KDM5A: variants seen among roughly 807,000 people sequenced by gnomAD.
KDM5A encodes lysine-specific demethylase 5A.
KDM5A carries 42 observed loss-of-function variants against 193.5 expected under a neutral mutation model. The observed-to-expected ratio is 0.22, with a 90% CI of 0.17 to 0.28. KDM5A has a LOEUF of 0.28. Ranked by LOEUF, KDM5A falls within the 10% of genes least tolerant of loss-of-function variation. KDM5A has a pLI of 1.00. For synonymous variants in KDM5A, 796 were observed against 718.1 expected (o/e 1.11, Z -1.73); for missense variants, 1,692 against 2,055.1 (o/e 0.82, Z 3.42).
At chr12:316,436 T>C (rs544537744) in intron 19 of KDM5A, among the ~76,000 whole-genome samples, 1 of 152,104 alleles carries the variant, frequency 6.6e-6, no homozygotes, top group Non-Finnish European at 1.5e-5. Flanking sequence ...CAAGGTAAAA[T>C]ATAAGAGGAC....
intron 10 of KDM5A, among the ~76,000 whole-genome samples, chr12:344,241 A>C (rs1198336579): frequency 1.3e-5 from 2 of 152,222 alleles, no homozygotes; most frequent in East Asian, 3.8e-4. Context: ...AAACAAACAA[A>C]GCCTCCAATA....
chr12:346,980 C>A (rs554791392), intron 10 of KDM5A, among the ~76,000 whole-genome samples: 30 of 152,278 alleles, frequency 2.0e-4, no homozygotes, highest in African/African-American at 6.0e-4. Flanking sequence ...CAAATTGTCC[C>A]TGTTTGCAGA....
chr12:374,467 C>G (rs1260618877), intron 3 of KDM5A, among the ~76,000 whole-genome samples: 1 of 152,156 alleles, frequency 6.6e-6, no homozygotes, highest in Non-Finnish European at 1.5e-5. Context: ...CTGTGTGTGT[C>G]TCTGCATGTG....
Position 314,430 on chromosome 12 carries a change from C to T in KDM5A, c.2898-1236G>A, listed in dbSNP as rs540389928. 2.0e-5 allele frequency among the ~76,000 whole-genome samples: 3 copies of T among 151,966 alleles called. No homozygotes were observed. In the East Asian group the frequency reaches 5.8e-4, roughly 29 times the overall value. ...CAGGATGGTCTCCATCTCCTGACCT[C>T]GTGATTCTCCTGCCTCAGCCTCCCA... is the stretch of plus-strand genomic sequence containing the variant. On this transcript the variant is annotated intron_variant, in intron 19 of 27. Transcript: ENST00000399788.
chr12:324,797 C>A (rs907752173), intron 14 of KDM5A, among the ~76,000 whole-genome samples: 1 of 151,350 alleles, frequency 6.6e-6, no homozygotes, highest in Admixed American at 6.6e-5. Flanking sequence ...CACTTGAGCC[C>A]GGGGGGTGAA....
chr12:370,379 C>T (rs529075365), intron 3 of KDM5A, among the ~76,000 whole-genome samples: 152 of 152,172 alleles, frequency 1.0e-3, no homozygotes, highest in Non-Finnish European at 1.5e-3. Flanking sequence ...GGCAACACAG[C>T]GAGACTCTGT....
intron 27 of KDM5A, among the ~76,000 whole-genome samples, chr12:287,660 G>A (rs1227524651): frequency 2.6e-5 from 4 of 152,100 alleles, no homozygotes; most frequent in Non-Finnish European, 5.9e-5. Flanking sequence ...ATAAACTGTG[G>A]TTCTCTGTGC....
intron 10 of KDM5A, among the ~76,000 whole-genome samples, chr12:335,085 C>T (rs551612376): frequency 6.6e-6 from 1 of 152,070 alleles, no homozygotes; most frequent in South Asian, 2.1e-4. Flanking sequence ...TACAAACACA[C>T]CTAGAAATAC....
At chr12:349,892 G>C (rs1342466014) in intron 10 of KDM5A, among the ~76,000 whole-genome samples, 3 of 148,572 alleles carry the variant, frequency 2.0e-5, no homozygotes, top group Non-Finnish European at 4.5e-5. Flanking sequence ...CACTCTGGGA[G>C]GCCGAGACAG....
chr12:373,220 C>A (rs1283758732), intron 3 of KDM5A, among the ~76,000 whole-genome samples: 1 of 152,142 alleles, frequency 6.6e-6, no homozygotes, highest in Non-Finnish European at 1.5e-5. Flanking sequence ...TCTATCTGGT[C>A]CTGGACTGTT....
rs1456161275 is a variant in KDM5A, at chr12:371,457, GTTGT to G, written c.367-5357_367-5354del. On this transcript the variant is annotated intron_variant, in intron 3 of 27. Transcript: ENST00000399788. ...TATCCTTTGCCCACTTTATGATGGG[GTTGT>G]TTTTTTCTCGTAAATTTGAGTTCTT... is the stretch of plus-strand genomic sequence containing the variant. Among the ~76,000 whole-genome samples, 8 of 123,728 alleles carry G rather than the reference GTTGT, an allele frequency of 6.5e-5. No individual in the cohort carries two copies. The South Asian group carries it at 2.2e-3, about 33-fold the overall frequency. 81.2% of individuals were successfully genotyped at this position (123,728 alleles called of 152,430 possible). A position where few individuals can be genotyped will look rare whatever the true frequency, so the allele number is the denominator to read the frequency against.
Position 285,389 on chromosome 12 carries a change from T to C in KDM5A, c.*67A>G. The C allele has an allele frequency of 7.2e-7, 1 of 1,384,014 alleles. No individual in the cohort carries two copies. Among genetic ancestry groups the C allele is most frequent in the Non-Finnish European group, 1.0e-6 (1 of 972,008 alleles). The allele number at this position is 1,384,014 out of a possible 1,614,324, so 85.7% of individuals were successfully genotyped here. On this transcript the variant is annotated 3_prime_UTR_variant, in exon 28 of 28. Coordinates refer to ENST00000399788, the MANE Select transcript of KDM5A (RefSeq NM_001042603.3). ...AACATTCCAAGTGGATATAAACCACTCTACTTGATGACTAAGGTCTCAATG... is the reference window on the plus strand; with the variant it reads ...AACATTCCAAGTGGATATAAACCACCCTACTTGATGACTAAGGTCTCAATG...
chr12:365,489 G>C (rs967478684), intron 4 of KDM5A, among the ~76,000 whole-genome samples: 1 of 152,250 alleles, frequency 6.6e-6, no homozygotes, highest in Non-Finnish European at 1.5e-5. Context: ...AATTGCCTGT[G>C]TGTGGGGGTG....
chr12:379,301 T>C (rs1326873537), intron 3 of KDM5A, among the ~76,000 whole-genome samples: 3 of 152,182 alleles, frequency 2.0e-5, no homozygotes, highest in Admixed American at 1.3e-4. Context: ...CCCAAGCCTC[T>C]TGCTAGAATA....
At chr12:327,126 G>A (rs1312610731) in intron 14 of KDM5A, among the ~76,000 whole-genome samples, 1 of 152,184 alleles carries the variant, frequency 6.6e-6, no homozygotes, top group Non-Finnish European at 1.5e-5. Context: ...ACTGGAACAA[G>A]GGCATAGGTG....
rs774135433 is a variant in KDM5A, at chr12:356,471, T to C, written c.739A>G (p.Lys247Glu). The C allele has an allele frequency of 1.2e-6, 2 of 1,613,690 alleles. No homozygotes were observed. Among genetic ancestry groups the C allele is most frequent in the Admixed American group, 3.3e-5 (2 of 60,026 alleles). ...GTTCCCATTGCCAAGCCCACAACCT[T>C]GGGCCCAGCCCCAAAAATCTGAAGT... ...KKLQIFGAGP[K>E]VVGLAMGTKD... Residue 247 changes from lysine (K) to glutamate (E), a missense_variant, in exon 6 of 28, where the codon AAG (lysine) becomes GAG (glutamate). By Grantham distance (56) the Lys-to-Glu change is moderately conservative (BLOSUM62 1). This residue lies in a region of KDM5A where 134 missense variants were observed against 124.2 expected (regional missense o/e 1.08). Transcript: ENST00000399788.
intron 8 of KDM5A, 85 bp from the exon 9 acceptor site, chr12:352,409 C>A (rs1944174688): frequency 8.1e-7 from 1 of 1,240,698 alleles, no homozygotes; most frequent in Non-Finnish European, 1.2e-6. Flanking sequence ...ATTCTTTGAT[C>A]ATTTCCCTAG....
intron 5 of KDM5A, among the ~76,000 whole-genome samples, chr12:359,248 T>C (rs1944264397): frequency 6.6e-6 from 1 of 152,134 alleles, no homozygotes; most frequent in African/African-American, 2.4e-5. Context: ...CCCTGACCAT[T>C]TAAAAGAGCC....
intron 24 of KDM5A, among the ~76,000 whole-genome samples, chr12:305,975 T>G (rs915773715): frequency 6.2e-5 from 9 of 146,130 alleles, no homozygotes; most frequent in African/African-American, 2.3e-4. Context: ...AAGTGTTTTT[T>G]TTTTTTTTTT....
Sources: allele counts gnomAD v4.1 joint callset (sites outside exome capture counted in the v4.1 genomes callset), GRCh38; gene constraint gnomAD v4.1.1; regional missense constraint gnomAD v4.1.1; transcripts MANE v1.5; gene names NCBI Gene and HGNC (gene_info 2026-07-23, HGNC 2026-07-21).